UCP3: variants seen among roughly 807,000 people sequenced by gnomAD.
The protein encoded by UCP3 is putative mitochondrial transporter UCP3.
UCP3 carries 24 observed loss-of-function variants against 28.1 expected under a neutral mutation model. The ratio of observed to expected loss-of-function variants is 0.85; its 90% confidence interval spans 0.62 to 1.20. The LOEUF (loss-of-function observed/expected upper bound fraction) is 1.20, where lower values mean the gene tolerates loss of function less well. Among genes scored for constraint, UCP3 ranks in the 50% most tolerant of loss-of-function variants. The pLI, the probability that UCP3 is intolerant of heterozygous loss-of-function variation, is 0.00. For synonymous variants in UCP3, 184 were observed against 171.2 expected (o/e 1.07, Z -0.59); for missense variants, 397 against 422.2 (o/e 0.94, Z 0.52).
chr11:74,003,968 C>T lies in UCP3; in HGVS notation c.683G>A (p.Gly228Asp), dbSNP rs779916199. Residue 228 changes from glycine (G) to aspartate (D), a missense_variant, in exon 6 of 7, where the codon GGC (glycine) becomes GAC (aspartate). Coordinates refer to ENST00000314032, the MANE Select transcript of UCP3 (RefSeq NM_003356.4). ...PCHFVSAFGAGFCATVVASPV... is the reference protein window; with the variant it reads ...PCHFVSAFGADFCATVVASPV... ...GGAGGCCACCACTGTGGCACAGAAG[C>T]CGGCTCCAAAGGCAGAGACAAAGTG... The T allele has an allele frequency of 2.0e-5, 33 of 1,614,110 alleles. No homozygotes were observed. Among genetic ancestry groups the T allele is most frequent in the Non-Finnish European group, 2.4e-5 (28 of 1,180,040 alleles).
chr11:74,008,742 G>C (rs546725792), intron 1 of UCP3, among the ~76,000 whole-genome samples: 1 of 152,300 alleles, frequency 6.6e-6, no homozygotes, highest in East Asian at 1.9e-4. Flanking sequence ...TGTGAGTCTT[G>C]AGTGAGTGAC....
At position 74,001,493 on chromosome 11, in the gene UCP3, C is replaced by A; in HGVS notation, c.858G>T (p.Trp286Cys). The A allele has an allele frequency of 6.2e-7, 1 of 1,614,100 alleles. No individual in the cohort carries two copies. The highest frequency in any genetic ancestry group is 8.5e-7 in the Non-Finnish European group (1 of 1,180,032). ...FTPSFLRLGS[W>C]NVVMFVTYEQ... ...CATAGGTTACGAACATCACCACGTTCCAGGATCCCAAACGCAAAAAGGAGG... is the reference window on the plus strand; with the variant it reads ...CATAGGTTACGAACATCACCACGTTACAGGATCCCAAACGCAAAAAGGAGG... The change falls in exon 7 of 7, where the codon TGG (tryptophan) becomes TGT (cysteine). Residue 286 changes from tryptophan to cysteine, a missense_variant. Trp to Cys is a radical substitution (Grantham distance 215). Coordinates refer to ENST00000314032, the MANE Select transcript of UCP3 (RefSeq NM_003356.4).
chr11:74,003,030 C>T (rs967291967), intron 6 of UCP3: 2 of 826,366 alleles, frequency 2.4e-6, no homozygotes, highest in Non-Finnish European at 2.9e-6. Context: ...TTTTCTGACA[C>T]TCAGTCTTTT....
At chr11:74,001,778 A>C in intron 6 of UCP3, 1 of 463,582 alleles carries the variant, frequency 2.2e-6, no homozygotes. Flanking sequence ...GCGAATTCTC[A>C]CAGTTCTATA....
At position 74,003,946 on chromosome 11, in the gene UCP3, G is replaced by A. The variant is rs751201111; in HGVS notation, c.705C>T (p.Ala235=). 7 of 1,614,022 alleles carry A rather than the reference G, an allele frequency of 4.3e-6. No homozygotes were observed. The African/African-American group carries it at 6.7e-5, about 15-fold the overall frequency. ...FGAGFCATVV[A]SPVDVVKTRY... ...GGGTCTTCACCACGTCCACCGGGGA[G>A]GCCACCACTGTGGCACAGAAGCCGG... Residue 235 remains alanine, a synonymous_variant, in exon 6 of 7, where the codon GCC becomes GCT. Coordinates refer to ENST00000314032, the MANE Select transcript of UCP3 (RefSeq NM_003356.4).
Position 74,005,750 on chromosome 11 carries a change from C to T in UCP3, c.521G>A (p.Gly174Glu), listed in dbSNP as rs1266322534. 2 of 1,614,214 alleles carry T rather than the reference C, an allele frequency of 1.2e-6. No individual in the cohort carries two copies. The highest frequency in any genetic ancestry group is 1.7e-6 in the Non-Finnish European group (2 of 1,180,028). ...DAYRTIAREE[G>E]VRGLWKGTLP... is the part of the protein sequence containing the mutation. The stretch of plus-strand genomic sequence containing the variant: ...CCTACCTTTCCACAGGCCCCTGACT[C>T]CTTCCTCCCTGGCGATGGTTCTGTA... Residue 174 changes from glycine (G) to glutamate (E), a missense_variant, in exon 4 of 7, where the codon GGA (glycine) becomes GAA (glutamate). Physicochemically the swap from Gly to Glu is moderately conservative, Grantham distance 98 (BLOSUM62 -2). Transcript: ENST00000314032.
At chr11:74,005,183 T>G (rs1379762471) in intron 4 of UCP3, among the ~76,000 whole-genome samples, 1 of 152,224 alleles carries the variant, frequency 6.6e-6, no homozygotes, top group Non-Finnish European at 1.5e-5. Context: ...GGCTGCCATG[T>G]GGACACATAG....
rs1278116265 is a variant in UCP3, at chr11:74,006,816, G to A, written c.126+101C>T. The A allele has an allele frequency of 6.3e-6, 10 of 1,576,674 alleles. No homozygotes were observed. In the East Asian group the frequency reaches 9.0e-5, roughly 14 times the overall value. On this transcript the variant is annotated intron_variant, in intron 2 of 6. Coordinates refer to ENST00000314032, the MANE Select transcript of UCP3 (RefSeq NM_003356.4). ...GCAGTGGAGTGAGAGTCTTTGTCAG[G>A]GTTCTGAGGAAGGGCATGTGGGCAC...
At position 74,003,706 on chromosome 11, in the gene UCP3, T is replaced by C. The variant is rs1013235347; in HGVS notation, c.824+121A>G. On this transcript the variant is annotated intron_variant, in intron 6 of 6. Transcript: ENST00000314032. ...TGCATGGTTTTTTAAACTTCTTCTT[T>C]GTGGCATTTACATCTGTACTCTTCA... is the stretch of plus-strand genomic sequence containing the variant. 13 of 1,463,482 alleles carry C rather than the reference T, an allele frequency of 8.9e-6. No individual in the cohort carries two copies. The Admixed American group carries it at 1.2e-4, about 14-fold the overall frequency. 90.7% of individuals were successfully genotyped at this position (1,463,482 alleles called of 1,614,324 possible).
chr11:74,003,719 T>A, intron 6 of UCP3, 108 bp downstream of exon 6: 2 of 1,501,330 alleles, frequency 1.3e-6, no homozygotes, highest in Non-Finnish European at 1.8e-6. Context: ...GGCATTTACA[T>A]CTGTACTCTT....
chr11:74,003,652 C>T, intron 6 of UCP3, 175 bp downstream of exon 6: 1 of 1,440,780 alleles, frequency 6.9e-7, no homozygotes, highest in South Asian at 1.6e-5. Context: ...CCCTCCCCAT[C>T]AGGTATGGTT....
chr11:74,007,300 T>A, intron 1 of UCP3, 163 bp from the exon 2 acceptor site: 4 of 500,434 alleles, frequency 8.0e-6, no homozygotes. Context: ...TCCTATCCCT[T>A]GAATTTTGCA....
chr11:74,004,000 G>T lies in UCP3; in HGVS notation c.651C>A (p.Phe217Leu), dbSNP rs749686100. 1 of 1,613,938 alleles carries T rather than the reference G, an allele frequency of 6.2e-7. No individual in the cohort carries two copies. Among genetic ancestry groups the T allele is most frequent in the East Asian group, 2.2e-5 (1 of 44,884 alleles). ...LLDYHLLTDN[F>L]PCHFVSAFGA... ...CAAAGGCAGAGACAAAGTGGCAGGG[G>T]AAGTTGTCTGCAGAGGAAGGACAAG... Residue 217 changes from phenylalanine to leucine, a missense_variant, in exon 6 of 7, where the codon TTC becomes TTA. Transcript: ENST00000314032.
At chr11:74,004,439 C>G in intron 5 of UCP3, 45 bp downstream of exon 5, 1 of 1,594,476 alleles carries the variant, frequency 6.3e-7, no homozygotes, top group Non-Finnish European at 8.6e-7. Flanking sequence ...TCTGGGTTCC[C>G]TCCCTGCTGA....
At chr11:74,006,601 T>C (rs1054169630) in intron 2 of UCP3, among the ~76,000 whole-genome samples, 2 of 152,222 alleles carry the variant, frequency 1.3e-5, no homozygotes, top group Admixed American at 1.3e-4. Context: ...GAGGGACAGA[T>C]TGTTTTTCCC....
intron 1 of UCP3, among the ~76,000 whole-genome samples, chr11:74,008,427 C>A (rs1299646520): frequency 1.3e-5 from 2 of 152,142 alleles, no homozygotes; most frequent in African/African-American, 4.8e-5. Context: ...TACCCAACAC[C>A]AGTTGCCTCC....
intron 2 of UCP3, 131 bp from the exon 3 acceptor site, chr11:74,006,510 C>T: frequency 2.2e-6 from 2 of 926,506 alleles, no homozygotes; most frequent in South Asian, 3.5e-5. Context: ...CAGTAGAAAT[C>T]ACTGGTGTCT....
At chr11:74,003,087 A>G in intron 6 of UCP3, 3 of 366,798 alleles carry the variant, frequency 8.2e-6, no homozygotes, top group Non-Finnish European at 1.1e-5. Flanking sequence ...GGCTGTTGGG[A>G]TAACGTGTGT....
intron 4 of UCP3, 121 bp downstream of exon 4, chr11:74,005,609 T>C (rs376601766): frequency 8.7e-7 from 1 of 1,145,552 alleles, no homozygotes. Context: ...GGTTGTGATG[T>C]TCTTTCAGAA....
Sources: allele counts gnomAD v4.1 joint callset (sites outside exome capture counted in the v4.1 genomes callset), GRCh38; gene constraint gnomAD v4.1.1; transcripts MANE v1.5; gene names NCBI Gene and HGNC (gene_info 2026-07-23, HGNC 2026-07-21).